Variants in NRG2 observed in about 807,000 individuals in gnomAD.
The protein encoded by NRG2 is neuregulin 2.
NRG2 carries 27 observed loss-of-function variants against 73.9 expected under a neutral mutation model. The ratio of observed to expected loss-of-function variants is 0.37; its 90% confidence interval spans 0.27 to 0.50. The LOEUF is 0.50. Ranked by LOEUF, NRG2 falls within the 20% of genes least tolerant of loss-of-function variation. The pLI, the probability that NRG2 is intolerant of heterozygous loss-of-function variation, is 0.96. For synonymous variants in NRG2, 532 were observed against 541.0 expected (o/e 0.98, Z 0.23); for missense variants, 1,126 against 1,210.1 (o/e 0.93, Z 1.03).
At chr5:139,987,838 G>T (rs555061105) in intron 1 of NRG2, among the ~76,000 whole-genome samples, 1 of 147,908 alleles carries the variant, frequency 6.8e-6, no homozygotes, top group South Asian at 2.2e-4. Context: ...GCAGTAGTGC[G>T]ATCTCGGCTC....
At chr5:140,025,583 C>T (rs1220852174) in intron 1 of NRG2, among the ~76,000 whole-genome samples, 1 of 152,228 alleles carries the variant, frequency 6.6e-6, no homozygotes, top group Non-Finnish European at 1.5e-5. Flanking sequence ...TAATAAAGCA[C>T]AGACTCAAAT....
intron 1 of NRG2, among the ~76,000 whole-genome samples, chr5:140,041,815 T>C (rs770931279): frequency 3.4e-4 from 51 of 152,092 alleles, no homozygotes; most frequent in Non-Finnish European, 5.1e-4. Flanking sequence ...CAACTCTGCC[T>C]GCGCCAGCGG....
chr5:139,984,043 G>A (rs539317183), intron 1 of NRG2, among the ~76,000 whole-genome samples: 1 of 152,206 alleles, frequency 6.6e-6, no homozygotes, highest in South Asian at 2.1e-4. Context: ...AATAATGAAT[G>A]AACAGGTATT....
At chr5:139,960,392 G>A (rs191741565) in intron 1 of NRG2, among the ~76,000 whole-genome samples, 35 of 152,254 alleles carry the variant, frequency 2.3e-4, no homozygotes, top group African/African-American at 6.0e-4. Flanking sequence ...GCACATGCCC[G>A]TAGTCCCAGC....
chr5:139,866,401 A>T (rs1762474356), intron 4 of NRG2, among the ~76,000 whole-genome samples: 1 of 152,178 alleles, frequency 6.6e-6, no homozygotes, highest in African/African-American at 2.4e-5. Context: ...CTTGTGGTAG[A>T]ACATGGTTTG....
In NRG2 at chr5:139,954,296, C is replaced by A. The variant is rs539171203; in HGVS notation, c.701-66785G>T. ...AGGAGCAGCCTGGGGCCCCAGGAGA[C>A]CTGCAGCGGCTGTCTAGCCCCAGGT... On this transcript the variant is annotated intron_variant, in intron 1 of 9. Transcript: ENST00000361474. The surrounding 1 kb of genome is among the most constrained non-coding windows in gnomAD (Gnocchi z 5.0). Among the ~76,000 whole-genome samples the A allele has an allele frequency of 5.5e-4, 83 of 152,282 alleles. No individual in the cohort carries two copies. Among genetic ancestry groups the A allele is most frequent in the African/African-American group, 1.8e-3 (76 of 41,538 alleles).
intron 1 of NRG2, among the ~76,000 whole-genome samples, chr5:139,909,972 T>G (rs2127192250): frequency 6.6e-6 from 1 of 152,240 alleles, no homozygotes; most frequent in South Asian, 2.1e-4. Flanking sequence ...CTTAAAAAAG[T>G]TTATTCGTGC....
intron 2 of NRG2, 100 bp from the exon 3 acceptor site, chr5:139,881,074 T>C: frequency 2.2e-6 from 2 of 909,244 alleles, no homozygotes; most frequent in Non-Finnish European, 3.6e-6. Context: ...AGAGCCACAG[T>C]GGCCCTGCAG....
chr5:140,037,305 T>C (rs1761576007), intron 1 of NRG2, among the ~76,000 whole-genome samples: 1 of 152,240 alleles, frequency 6.6e-6, no homozygotes, highest in Non-Finnish European at 1.5e-5. Context: ...TGATAAACCT[T>C]TGGATCTCTC....
intron 1 of NRG2, among the ~76,000 whole-genome samples, chr5:140,010,295 CA>C (rs374017143): frequency 5.4e-5 from 8 of 147,664 alleles, no homozygotes; most frequent in South Asian, 2.1e-4. Context: ...GAGACTGTCT[CA>C]AAAAAAAAAT....
chr5:140,042,007 A>T (rs1458214881), intron 1 of NRG2, among the ~76,000 whole-genome samples: 1 of 151,792 alleles, frequency 6.6e-6, no homozygotes, highest in East Asian at 2.0e-4. Flanking sequence ...TCCGAGGGTC[A>T]CTCCTGACTC....
At chr5:139,940,076 T>C (rs1348695285) in intron 1 of NRG2, among the ~76,000 whole-genome samples, 1 of 152,190 alleles carries the variant, frequency 6.6e-6, no homozygotes, top group Non-Finnish European at 1.5e-5. Context: ...TAAACATAGA[T>C]CTTCCTTCAA....
Position 139,965,128 on chromosome 5 carries a change from T to C in NRG2, c.700+77242A>G, listed in dbSNP as rs370328074. ...CTCATGGTCAGGCTAGCTCTCCAGC[T>C]TCCCACCTGGCTCCACGACAGCAAC... On this transcript the variant is annotated intron_variant, in intron 1 of 9. Transcript: ENST00000361474. 2.6e-4 allele frequency among the ~76,000 whole-genome samples: 40 copies of C among 152,294 alleles called. No homozygotes were observed. In the South Asian group the frequency reaches 8.3e-3, roughly 32 times the overall value.
intron 5 of NRG2, among the ~76,000 whole-genome samples, chr5:139,857,852 G>A (rs770593580): frequency 5.0e-4 from 76 of 151,980 alleles, no homozygotes; most frequent in Non-Finnish European, 8.1e-4. Context: ...GGATCCAGCC[G>A]CAAGTCCTCG....
At chr5:139,850,470 G>A (rs778652255) in intron 9 of NRG2, among the ~76,000 whole-genome samples, 1 of 152,202 alleles carries the variant, frequency 6.6e-6, no homozygotes, top group Non-Finnish European at 1.5e-5. Context: ...GTGGCTAGGA[G>A]CTCCTCAGGA....
intron 1 of NRG2, among the ~76,000 whole-genome samples, chr5:139,967,976 A>AATAAATAAATAC (rs941972482): frequency 6.0e-5 from 7 of 116,216 alleles, no homozygotes; most frequent in African/African-American, 2.3e-4. Context: ...AAAACATAAA[A>AATAAATAAATAC]ATAAATAAAT....
intron 2 of NRG2, among the ~76,000 whole-genome samples, chr5:139,883,236 C>T (rs899545940): frequency 7.2e-6 from 1 of 137,976 alleles, no homozygotes; most frequent in African/African-American, 2.6e-5. Flanking sequence ...GCCCTCCCCC[C>T]TCCCCCCTAC....
intron 1 of NRG2, among the ~76,000 whole-genome samples, chr5:139,945,095 C>T (rs867627221): frequency 3.0e-4 from 45 of 151,784 alleles, no homozygotes; most frequent in African/African-American, 1.0e-3. Context: ...ATTTTTTAAT[C>T]GAACTGTATG....
At chr5:139,978,715 T>C (rs1387926199) in intron 1 of NRG2, among the ~76,000 whole-genome samples, 2 of 152,208 alleles carry the variant, frequency 1.3e-5, no homozygotes, top group Non-Finnish European at 2.9e-5. Flanking sequence ...CTATTCACAA[T>C]ATTGTGAGAC....
Sources: allele counts gnomAD v4.1 joint callset (sites outside exome capture counted in the v4.1 genomes callset), GRCh38; gene constraint gnomAD v4.1.1; non-coding constraint Gnocchi (gnomAD v3.1); transcripts MANE v1.5; gene names NCBI Gene and HGNC (gene_info 2026-07-23, HGNC 2026-07-21).